The following SCN9A variants were observed in gnomAD, a reference collection of about 807,000 sequenced individuals.
SCN9A encodes the protein sodium voltage-gated channel alpha subunit 9.
Under a neutral mutation model 187.0 loss-of-function variants are expected in SCN9A, and 131 were observed. That is an observed-to-expected ratio of 0.70 (90% CI 0.61 to 0.81). The LOEUF is 0.81. Among genes scored for constraint, SCN9A ranks in the 30% least tolerant of loss-of-function variants. The pLI is 0.00. For missense variants in SCN9A, 2,252 were observed against 2,396.6 expected (o/e 0.94, Z 1.26); for synonymous variants, 809 against 808.6 (o/e 1.00, Z -0.01).
chr2:166,331,245 T>C (rs907954891), intron 1 of SCN9A, among the ~76,000 whole-genome samples: 2 of 152,168 alleles, frequency 1.3e-5, no homozygotes, highest in African/African-American at 2.4e-5. Flanking sequence ...ATGGAGAAGA[T>C]AGAAAAATTT....
intron 24 of SCN9A, among the ~76,000 whole-genome samples, chr2:166,218,588 A>C (rs958751766): frequency 6.6e-6 from 1 of 152,160 alleles, no homozygotes; most frequent in Non-Finnish European, 1.5e-5. Context: ...TTAAAGACTT[A>C]AATGTAAAAT....
At chr2:166,222,038 G>T (rs1038062374) in intron 24 of SCN9A, among the ~76,000 whole-genome samples, 5 of 152,104 alleles carry the variant, frequency 3.3e-5, no homozygotes, top group African/African-American at 1.2e-4. Flanking sequence ...TAGCAGGAAA[G>T]CTTCATGATA....
intron 1 of SCN9A, among the ~76,000 whole-genome samples, chr2:166,331,481 C>G (rs143769263): frequency 6.6e-6 from 1 of 152,126 alleles, no homozygotes; most frequent in Non-Finnish European, 1.5e-5. Flanking sequence ...TACTCTAAAT[C>G]GACAACACCC....
chr2:166,364,104 A>G (rs1700356136), intron 1 of SCN9A, among the ~76,000 whole-genome samples: 1 of 152,060 alleles, frequency 6.6e-6, no homozygotes, highest in Non-Finnish European at 1.5e-5. Flanking sequence ...CATTTGGGAA[A>G]TGCAAATCAA....
At chr2:166,336,757 A>C (rs1366595374) in intron 1 of SCN9A, among the ~76,000 whole-genome samples, 1 of 152,046 alleles carries the variant, frequency 6.6e-6, no homozygotes, top group Non-Finnish European at 1.5e-5. Flanking sequence ...AACTGTTTTC[A>C]GTTGTAATCA....
chr2:166,355,374 A>G (rs1417633104), intron 1 of SCN9A, among the ~76,000 whole-genome samples: 2 of 152,088 alleles, frequency 1.3e-5, no homozygotes, highest in Non-Finnish European at 2.9e-5. Flanking sequence ...AAACTTCATA[A>G]TTTGATATTT....
At chr2:166,208,089 T>C (rs925040134) in intron 24 of SCN9A, among the ~76,000 whole-genome samples, 1 of 152,180 alleles carries the variant, frequency 6.6e-6, no homozygotes, top group African/African-American at 2.4e-5. Context: ...CTTGCGTGGG[T>C]GTTTTGTTTT....
Position 166,306,678 on chromosome 2 carries a change from C to T in SCN9A, c.378-79G>A. 3.8e-6 allele frequency: 4 copies of T among 1,049,442 alleles called. No homozygotes were observed. The Middle Eastern group carries it at 8.0e-4, about 209-fold the overall frequency. 65.0% of individuals were successfully genotyped at this position (1,049,442 alleles called of 1,614,324 possible). On this transcript the variant is annotated intron_variant, in intron 3 of 26. Transcript: ENST00000642356. Reference sequence around the variant, plus strand: ...AGGATGACACTTGTTGAAATGCTTACAACTTTTCCTAAGAAAAAAATTCTA... The same window carrying T: ...AGGATGACACTTGTTGAAATGCTTATAACTTTTCCTAAGAAAAAAATTCTA...
rs1321761070 is a variant in SCN9A, at chr2:166,197,927, TA to T, written c.*744del. 6.6e-6 allele frequency: 1 copy of T among 152,156 alleles called. No individual in the cohort carries two copies. The highest frequency in any genetic ancestry group is 2.4e-5 in the African/African-American group (1 of 41,446). The allele number at this position is 152,156 out of a possible 1,614,324, so 9.4% of individuals were successfully genotyped here. On this transcript the variant is annotated 3_prime_UTR_variant, in exon 27 of 27. Coordinates refer to ENST00000642356, the MANE Select transcript of SCN9A (RefSeq NM_001365536.1). ...AGAATAATTTTTCAAGTTCTGTGGT[TA>T]TTCTATGAACAAAAAGGGATATGAA...
At chr2:166,225,220 T>A (rs1247947158) in intron 24 of SCN9A, among the ~76,000 whole-genome samples, 12 of 152,192 alleles carry the variant, frequency 7.9e-5, no homozygotes. Flanking sequence ...CATTCATTTC[T>A]GTTTCACTCC....
At chr2:166,292,431 A>C (rs934508289) in intron 9 of SCN9A, among the ~76,000 whole-genome samples, 1 of 152,100 alleles carries the variant, frequency 6.6e-6, no homozygotes, top group African/African-American at 2.4e-5. Context: ...AAATATTTGC[A>C]TTCCCATTTT....
intron 24 of SCN9A, among the ~76,000 whole-genome samples, chr2:166,217,345 A>G (rs556410429): frequency 6.6e-6 from 1 of 152,256 alleles, no homozygotes; most frequent in South Asian, 2.1e-4. Flanking sequence ...AACAAAAGAC[A>G]ATAAGAGACA....
chr2:166,263,287 C>G (rs139094077), intron 17 of SCN9A, among the ~76,000 whole-genome samples: 4 of 151,978 alleles, frequency 2.6e-5, no homozygotes, highest in Non-Finnish European at 4.4e-5. Flanking sequence ...ACAGATGTTA[C>G]GTTTCGTTCC....
At chr2:166,291,529 C>T (rs1698070377) in intron 9 of SCN9A, among the ~76,000 whole-genome samples, 1 of 152,120 alleles carries the variant, frequency 6.6e-6, no homozygotes, top group South Asian at 2.1e-4. Flanking sequence ...AATGCTAGTC[C>T]CATCAAATTA....
In SCN9A at chr2:166,277,202, C is replaced by T. The variant is rs1697273982; in HGVS notation, c.2655G>A (p.Met885Ile). The T allele has an allele frequency of 1.2e-6, 2 of 1,613,980 alleles. No individual in the cohort carries two copies. Among genetic ancestry groups the T allele is most frequent in the African/African-American group, 1.3e-5 (1 of 74,904 alleles). The change falls in exon 16 of 27, where the codon ATG (methionine) becomes ATA (isoleucine). Residue 885 changes from methionine to isoleucine, a missense_variant. By Grantham distance (10) the Met-to-Ile change is conservative. Around this residue, in one of 7 missense-constraint regions of SCN9A, gnomAD observed 119 missense variants for 188.7 expected, o/e 0.63. Coordinates refer to ENST00000642356, the MANE Select transcript of SCN9A (RefSeq NM_001365536.1). Reference sequence around the variant, plus strand: ...CTTTGTAGCTCTTACCAAAGAGCTGCATGCCGACCACAGCAAAAATGAAGA... The same window carrying T: ...CTTTGTAGCTCTTACCAAAGAGCTGTATGCCGACCACAGCAAAAATGAAGA... ...IIVFIFAVVG[M>I]QLFGKSYKEC...
Position 166,251,839 on chromosome 2 carries a change from G to C in SCN9A, c.3398C>G (p.Pro1133Arg). 1 of 1,612,574 alleles carries C rather than the reference G, an allele frequency of 6.2e-7. No individual in the cohort carries two copies. Among genetic ancestry groups the C allele is most frequent in the Non-Finnish European group, 8.5e-7 (1 of 1,179,084 alleles). Reference protein sequence around the residue: ...SSSECSTVDNPLPGEGEEAEA... With the variant: ...SSSECSTVDNRLPGEGEEAEA... ...TGCTTCTTCTCCTTCTCCAGGCAAA[G>C]GGTTATCAACTGTGCTGCACTCTGA... The change falls in exon 18 of 27, where the codon CCT becomes CGT. Residue 1133 changes from proline (P) to arginine (R), a missense_variant. Around this residue, in one of 7 missense-constraint regions of SCN9A, gnomAD observed 313 missense variants for 295.3 expected, o/e 1.06. Coordinates refer to ENST00000642356, the MANE Select transcript of SCN9A (RefSeq NM_001365536.1).
chr2:166,251,216 T>C (rs1206016902), intron 18 of SCN9A, among the ~76,000 whole-genome samples: 6 of 151,964 alleles, frequency 3.9e-5, no homozygotes, highest in African/African-American at 2.4e-5. Flanking sequence ...TAACTGAAGA[T>C]TGAACATGTG....
chr2:166,247,821 G>A (rs1341887152), intron 18 of SCN9A, among the ~76,000 whole-genome samples: 1 of 152,074 alleles, frequency 6.6e-6, no homozygotes, highest in Non-Finnish European at 1.5e-5. Context: ...TCTAAAAGCA[G>A]CACAATATAA....
rs1357592698 is a variant in SCN9A at position 166,303,155 on chromosome 2, G to A, written c.836C>T (p.Ser279Leu). Residue 279 changes from serine to leucine, a missense_variant, in exon 7 of 27, where the codon TCA (serine) becomes TTA (leucine). This residue lies in a region of SCN9A where 1,013 missense variants were observed against 997.4 expected (regional missense o/e 1.02). Coordinates refer to ENST00000642356, the MANE Select transcript of SCN9A (RefSeq NM_001365536.1). ...GNLKHKCFRN[S>L]LENNETLESI... is the part of the protein sequence containing the mutation. ...TTCTAATGTTTCATTATTTTCAAGT[G>A]AATTTCGAAAACATTTATGCTTCAG... 2.5e-6 allele frequency: 4 copies of A among 1,612,184 alleles called. No individual in the cohort carries two copies. The highest frequency in any genetic ancestry group is 3.4e-6 in the Non-Finnish European group (4 of 1,178,864).
Sources: gnomAD v4.1 joint callset for allele counts (sites outside exome capture counted in the v4.1 genomes callset) on GRCh38, gnomAD v4.1.1 for gene constraint, gnomAD v4.1.1 regional missense constraint, MANE v1.5 for transcripts, NCBI Gene and HGNC (gene_info 2026-07-23, HGNC 2026-07-21) for gene names.